Variants in HIF1A observed in about 807,000 individuals in gnomAD.
HIF1A encodes hypoxia inducible factor 1 subunit alpha, also known as hypoxia-inducible factor 1-alpha.
A neutral mutation model predicts 92.7 loss-of-function variants in HIF1A; 24 were observed. That is an observed-to-expected ratio of 0.26 (90% CI 0.19 to 0.36). The LOEUF (loss-of-function observed/expected upper bound fraction) is 0.36, where lower values mean the gene tolerates loss of function less well. HIF1A is among the 10% of genes least tolerant of loss of function. The probability of loss-of-function intolerance (pLI) is 1.00; values close to 1 mark genes in which losing one functional copy is unlikely to be tolerated. For synonymous variants in HIF1A, 319 were observed against 338.7 expected (o/e 0.94, Z 0.64); for missense variants, 799 against 998.5 (o/e 0.80, Z 2.69).
At chr14:61,717,471 T>A (rs185616262) in intron 1 of HIF1A, among the ~76,000 whole-genome samples, 51 of 152,350 alleles carry the variant, frequency 3.3e-4, no homozygotes, top group Non-Finnish European at 6.0e-4. Context: ...TTTATCACCT[T>A]CATCTAATAT....
chr14:61,736,835 CCTCACTGTAT>C, intron 8 of HIF1A, 44 bp from the exon 9 acceptor site: 1 of 1,231,330 alleles, frequency 8.1e-7, no homozygotes, highest in Non-Finnish European at 1.2e-6. Context: ...TCTCCCTTCC[CCTCACTGTAT>C]CAAGTGCTCA....
intron 6 of HIF1A, among the ~76,000 whole-genome samples, chr14:61,730,717 C>T (rs1253195241): frequency 1.3e-5 from 2 of 152,120 alleles, no homozygotes; most frequent in Non-Finnish European, 2.9e-5. Context: ...CTAAGTAGTA[C>T]AGTACATCTA....
At chr14:61,734,921 AAAG>A (rs1182124060) in intron 8 of HIF1A, among the ~76,000 whole-genome samples, 2 of 152,246 alleles carry the variant, frequency 1.3e-5, no homozygotes, top group Admixed American at 6.5e-5. Context: ...TTAAAAAAGA[AAAG>A]AAATTCTATG....
rs78390203 is a variant in HIF1A at position 61,733,657 on chromosome 14, A to G, written c.881-481A>G. Among the ~76,000 whole-genome samples the G allele has an allele frequency of 5.4e-3, 820 of 152,344 alleles. 3 individuals are homozygous for G. Among genetic ancestry groups the G allele is most frequent in the Non-Finnish European group, 9.0e-3 (612 of 68,030 alleles). ...ATACCATCATTAGCATTTATTTAGT[A>G]CTTTCTCCCAAATCAGTATTTAATT... On this transcript the variant is annotated intron_variant, in intron 7 of 14. Coordinates refer to ENST00000337138, the MANE Select transcript of HIF1A (RefSeq NM_001530.4).
At position 61,744,894 on chromosome 14, in the gene HIF1A, T is replaced by TGTGTGTG; in HGVS notation, c.2202+81_2202+82insGTGTGTG. 4 of 521,036 alleles carry TGTGTGTG rather than the reference T, an allele frequency of 7.7e-6. No individual in the cohort carries two copies. The South Asian group carries it at 1.3e-4, about 17-fold the overall frequency. The allele number at this position is 521,036 out of a possible 1,614,324, so 32.3% of individuals were successfully genotyped here. ...GTGTGTGTGTGTGTGTGTGTGTGTG[T>TGTGTGTG]TTCCACGTTTCTTCCAAATAGTAAA... On this transcript the variant is annotated intron_variant, in intron 13 of 14. Coordinates refer to ENST00000337138, the MANE Select transcript of HIF1A (RefSeq NM_001530.4).
chr14:61,732,595 C>A, intron 7 of HIF1A, 71 bp downstream of exon 7: 1 of 907,034 alleles, frequency 1.1e-6, no homozygotes, highest in Non-Finnish European at 1.8e-6. Context: ...AGTTTGGCTA[C>A]CCATCTAATT....
chr14:61,729,985 T>C (rs1032850992), intron 6 of HIF1A, among the ~76,000 whole-genome samples: 1 of 152,166 alleles, frequency 6.6e-6, no homozygotes, highest in East Asian at 1.9e-4. Flanking sequence ...ATCTAACATA[T>C]CAAGCTCCTC....
intron 6 of HIF1A, among the ~76,000 whole-genome samples, chr14:61,730,125 C>T (rs1594877985): frequency 6.6e-6 from 1 of 152,138 alleles, no homozygotes; most frequent in Non-Finnish European, 1.5e-5. Flanking sequence ...TGAACAGTTC[C>T]TGCCTCAAAA....
At chr14:61,727,770 C>G (rs2140143111) in intron 6 of HIF1A, 115 bp downstream of exon 6, 1 of 786,976 alleles carries the variant, frequency 1.3e-6, no homozygotes, top group East Asian at 2.6e-5. Context: ...CACCTGTAAT[C>G]CCAGCACTTT....
chr14:61,697,783 T>G lies in HIF1A; in HGVS notation c.35+1944T>G, dbSNP rs563381315. On this transcript the variant is annotated intron_variant, in intron 1 of 14. Coordinates refer to ENST00000337138, the MANE Select transcript of HIF1A (RefSeq NM_001530.4). ...TGACCTTTTCTAACTAATTTACAGT[T>G]TTTTGAAAGATAACTGAGAGGTTGA... The G allele has an allele frequency of 1.3e-5, 19 of 1,447,662 alleles. No individual in the cohort carries two copies. The South Asian group carries it at 2.1e-4, about 16-fold the overall frequency. 89.7% of individuals were successfully genotyped at this position (1,447,662 alleles called of 1,614,324 possible).
intron 1 of HIF1A, among the ~76,000 whole-genome samples, chr14:61,705,957 T>C (rs541126414): frequency 6.6e-6 from 1 of 152,264 alleles, no homozygotes; most frequent in East Asian, 1.9e-4. Context: ...TCAATACATG[T>C]GTTTTTTCCT....
Position 61,734,229 on chromosome 14 carries a change from A to G in HIF1A, c.972A>G (p.Ile324Met). 6.2e-7 allele frequency: 1 copy of G among 1,613,222 alleles called. No individual in the cohort carries two copies. The highest frequency in any genetic ancestry group is 8.5e-7 in the Non-Finnish European group (1 of 1,179,208). Reference protein sequence around the residue: ...YVWVETQATVIYNTKNSQPQC... With the variant: ...YVWVETQATVMYNTKNSQPQC... Reference sequence around the variant, plus strand: ...GGGTTGAAACTCAAGCAACTGTCATATATAACACCAAGAATTCTCAACCAC... The same window carrying G: ...GGGTTGAAACTCAAGCAACTGTCATGTATAACACCAAGAATTCTCAACCAC... Residue 324 changes from isoleucine to methionine, a missense_variant, in exon 8 of 15, where the codon ATA (isoleucine) becomes ATG (methionine). By Grantham distance (10) the Ile-to-Met change is conservative. Transcript: ENST00000337138.
chr14:61,721,913 T>C (rs2044435278), intron 4 of HIF1A, 90 bp downstream of exon 4: 4 of 810,670 alleles, frequency 4.9e-6, no homozygotes, highest in Non-Finnish European at 8.2e-6. Flanking sequence ...CTATTGTACT[T>C]ACCCAAGGCA....
At chr14:61,696,778 A>G in intron 1 of HIF1A, among the ~76,000 whole-genome samples, 1 of 152,256 alleles carries the variant, frequency 6.6e-6, no homozygotes, top group Non-Finnish European at 1.5e-5. Context: ...AAAATTTTCG[A>G]ACTCTGTCTC....
intron 1 of HIF1A, among the ~76,000 whole-genome samples, chr14:61,698,585 G>C (rs2044141771): frequency 6.6e-6 from 1 of 152,110 alleles, no homozygotes; most frequent in Admixed American, 6.5e-5. Context: ...TTTTTTGCTA[G>C]TCCTTCCAGC....
At position 61,732,413 on chromosome 14, in the gene HIF1A, A is replaced by G. The variant is rs780256732; in HGVS notation, c.774-5A>G. 6.3e-7 allele frequency: 1 copy of G among 1,576,820 alleles called. No homozygotes were observed. The highest frequency in any genetic ancestry group is 1.1e-5 in the South Asian group (1 of 88,576). ...TTTCTTAAATCTTGTATTTTTTACT[A>G]ACAGAATTACCGAATTGATGGGATA... On this transcript the variant is annotated splice_polypyrimidine_tract_variant and splice_region_variant and intron_variant, in intron 6 of 14. Coordinates refer to ENST00000337138, the MANE Select transcript of HIF1A (RefSeq NM_001530.4).
At chr14:61,699,884 T>TTTA (rs1476053524) in intron 1 of HIF1A, among the ~76,000 whole-genome samples, 1 of 152,162 alleles carries the variant, frequency 6.6e-6, no homozygotes, top group Non-Finnish European at 1.5e-5. Context: ...AAATTAACTA[T>TTTA]AGGCTTTGGA....
intron 1 of HIF1A, among the ~76,000 whole-genome samples, chr14:61,706,681 T>C (rs74054862): frequency 6.6e-6 from 1 of 152,358 alleles, no homozygotes; most frequent in African/African-American, 2.4e-5. Context: ...CTAGTTGCTC[T>C]ATGGATTCCC....
chr14:61,735,307 A>C (rs568063661), intron 8 of HIF1A, among the ~76,000 whole-genome samples: 1 of 152,294 alleles, frequency 6.6e-6, no homozygotes, highest in Non-Finnish European at 1.5e-5. Context: ...TCTTAGGAAG[A>C]CTTTGGGCAG....
Sources: allele counts gnomAD v4.1 joint callset (sites outside exome capture counted in the v4.1 genomes callset), GRCh38; gene constraint gnomAD v4.1.1; transcripts MANE v1.5; gene names NCBI Gene and HGNC (gene_info 2026-07-23, HGNC 2026-07-21).